The following MALRD1 variants were observed in gnomAD, a reference collection of about 807,000 sequenced individuals.
The protein encoded by MALRD1 is MAM and LDL receptor class A domain containing 1.
MALRD1 carries 247 observed loss-of-function variants against 242.1 expected under a neutral mutation model. The observed-to-expected ratio is 1.02, with a 90% confidence interval of 0.92 to 1.13. MALRD1 has a LOEUF of 1.13. Among genes scored for constraint, MALRD1 ranks in the 50% most tolerant of loss-of-function variants. MALRD1 has a pLI of 0.00. For missense variants in MALRD1, 2,989 were observed against 2,533.1 expected, an observed-to-expected ratio of 1.18 and a Z score of -3.86; for synonymous variants, 995 against 866.6, an observed-to-expected ratio of 1.15 and a Z score of -2.60.
Position 19,124,580 on chromosome 10 carries a change from G to A in MALRD1, c.853G>A (p.Ala285Thr). 2 of 1,233,844 alleles carry A rather than the reference G, an allele frequency of 1.6e-6. No homozygotes were observed. Among genetic ancestry groups the A allele is most frequent in the Non-Finnish European group, 2.0e-6 (2 of 988,122 alleles). The allele number at this position is 1,233,844 out of a possible 1,614,324, so 76.4% of individuals were successfully genotyped here. Residue 285 changes from alanine to threonine, a missense_variant, in exon 7 of 40, where the codon GCT (alanine) becomes ACT (threonine). Physicochemically the swap from Ala to Thr is moderately conservative, Grantham distance 58. Transcript: ENST00000454679. The stretch of plus-strand genomic sequence containing the variant: ...GTGTGAGTGGACGTCAGAAGCATCT[G>A]CTGGCCAAATTTCCTGGATGCGCAC... ...DMCEWTSEAS[A>T]GQISWMRTKA...
chr10:19,561,955 C>T (rs1405683938), intron 32 of MALRD1, among the ~76,000 whole-genome samples: 1 of 152,108 alleles, frequency 6.6e-6, no homozygotes, highest in Non-Finnish European at 1.5e-5. Context: ...ATAGCTATTT[C>T]CCCTCTCCTA....
At chr10:19,351,700 C>G (rs893384956) in intron 25 of MALRD1, among the ~76,000 whole-genome samples, 1 of 152,106 alleles carries the variant, frequency 6.6e-6, no homozygotes, top group Non-Finnish European at 1.5e-5. Flanking sequence ...TGACAATGGG[C>G]TCTAAGAGTT....
rs142753614 is a variant in MALRD1 at position 19,219,438 on chromosome 10, T to G, written c.2991+9758T>G. ...AACACAATATTTCCTATTTTTTTCT[T>G]CTTTTTTATTTTTTTGAAGACAAGT... On this transcript the variant is annotated intron_variant, in intron 18 of 39. Transcript: ENST00000454679. Among the ~76,000 whole-genome samples, 417 of 152,266 alleles carry G rather than the reference T, an allele frequency of 2.7e-3. 3 individuals carry two copies. Among genetic ancestry groups the G allele is most frequent in the African/African-American group, 9.6e-3 (400 of 41,552 alleles).
chr10:19,068,679 T>C (rs1835052652), intron 2 of MALRD1, among the ~76,000 whole-genome samples: 1 of 152,156 alleles, frequency 6.6e-6, no homozygotes, highest in African/African-American at 2.4e-5. Flanking sequence ...AAGCAAGTGT[T>C]CTGGCTGTAG....
intron 33 of MALRD1, among the ~76,000 whole-genome samples, chr10:19,586,510 T>C (rs1837411717): frequency 6.6e-6 from 1 of 152,198 alleles, no homozygotes; most frequent in Non-Finnish European, 1.5e-5. Flanking sequence ...CTGCCCTTGC[T>C]GGTGGGTCCC....
chr10:19,282,361 G>C (rs939463705), intron 20 of MALRD1, among the ~76,000 whole-genome samples: 26 of 152,080 alleles, frequency 1.7e-4, no homozygotes, highest in African/African-American at 6.3e-4. Context: ...TCACTTAAAA[G>C]CTAGAGTGCA....
intron 29 of MALRD1, among the ~76,000 whole-genome samples, chr10:19,468,856 G>T (rs1836355408): frequency 6.6e-6 from 1 of 152,022 alleles, no homozygotes; most frequent in African/African-American, 2.4e-5. Flanking sequence ...AGCCCTCCAT[G>T]ACAAATGTAT....
chr10:19,727,500 C>T (rs981820816), intron 38 of MALRD1, among the ~76,000 whole-genome samples: 3 of 152,196 alleles, frequency 2.0e-5, no homozygotes, highest in Non-Finnish European at 2.9e-5. Flanking sequence ...AATGCCACTT[C>T]GCACAGTATC....
intron 13 of MALRD1, among the ~76,000 whole-genome samples, chr10:19,171,765 A>C (rs1224847752): frequency 6.9e-6 from 1 of 144,440 alleles, no homozygotes; most frequent in Non-Finnish European, 1.5e-5. Flanking sequence ...ATATATACAC[A>C]TATATTGATA....
upstream of MALRD1, among the ~76,000 whole-genome samples, chr10:19,048,150 A>G (rs543245253): frequency 6.1e-4 from 93 of 152,318 alleles, no homozygotes; most frequent in African/African-American, 2.2e-3. Context: ...TTCTTGTGCT[A>G]TAGAAGAGGG....
At chr10:19,694,872 C>T (rs1380092982) in intron 38 of MALRD1, among the ~76,000 whole-genome samples, 1 of 152,174 alleles carries the variant, frequency 6.6e-6, no homozygotes, top group Non-Finnish European at 1.5e-5. Flanking sequence ...CACACATACA[C>T]CATGGAATAC....
At chr10:19,171,913 GA>G (rs753848532) in intron 13 of MALRD1, among the ~76,000 whole-genome samples, 2 of 126,012 alleles carry the variant, frequency 1.6e-5, no homozygotes, top group Non-Finnish European at 1.7e-5. Flanking sequence ...CATAATATAT[GA>G]TATATACATA....
intron 28 of MALRD1, among the ~76,000 whole-genome samples, chr10:19,439,707 T>G (rs1258585383): frequency 6.6e-6 from 1 of 152,168 alleles, no homozygotes; most frequent in Non-Finnish European, 1.5e-5. Flanking sequence ...TGTGTGTATA[T>G]ATAGATATAA....
chr10:19,056,600 T>C (rs924444758), intron 1 of MALRD1, among the ~76,000 whole-genome samples: 1 of 152,156 alleles, frequency 6.6e-6, no homozygotes, highest in Admixed American at 6.5e-5. Context: ...TCTTTTGGGT[T>C]TCTACATATA....
At chr10:19,578,146 A>AT (rs35924630) in intron 33 of MALRD1, among the ~76,000 whole-genome samples, 77,585 of 151,692 alleles carry the variant, frequency 0.51, 19,964 homozygotes, top group Non-Finnish European at 0.53. Context: ...TTAAGAAAAG[A>AT]TTTTTTTTCA....
chr10:19,260,163 T>A (rs1304509958), intron 19 of MALRD1, among the ~76,000 whole-genome samples: 1 of 152,234 alleles, frequency 6.6e-6, no homozygotes, highest in Non-Finnish European at 1.5e-5. Context: ...GATACTATAG[T>A]ATATGTCAGT....
intron 33 of MALRD1, among the ~76,000 whole-genome samples, chr10:19,581,476 A>T (rs563296018): frequency 1.6e-4 from 24 of 150,620 alleles, no homozygotes; most frequent in Non-Finnish European, 3.0e-4. Flanking sequence ...GGTGTTTGGT[A>T]TTTTGTTCTT....
chr10:19,712,833 G>A (rs1834196072), intron 38 of MALRD1, among the ~76,000 whole-genome samples: 1 of 152,106 alleles, frequency 6.6e-6, no homozygotes, highest in South Asian at 2.1e-4. Flanking sequence ...AGAAGAGATA[G>A]CCAGCAAAAG....
intron 24 of MALRD1, among the ~76,000 whole-genome samples, chr10:19,336,779 A>G (rs548093715): frequency 4.6e-5 from 7 of 152,292 alleles, no homozygotes; most frequent in South Asian, 2.1e-4. Flanking sequence ...TTAGAAACCA[A>G]TTAGGTAATA....
Sources: allele counts gnomAD v4.1 joint callset (sites outside exome capture counted in the v4.1 genomes callset), GRCh38; gene constraint gnomAD v4.1.1; transcripts MANE v1.5; gene names NCBI Gene and HGNC (gene_info 2026-07-23, HGNC 2026-07-21).